SLC36A1: variants seen among roughly 807,000 people sequenced by gnomAD.
SLC36A1 encodes solute carrier family 36 member 1.
SLC36A1 carries 30 observed loss-of-function variants against 47.5 expected under a neutral mutation model. That is an observed-to-expected ratio of 0.63 (90% CI 0.47 to 0.86). The LOEUF (loss-of-function observed/expected upper bound fraction) is 0.86, where lower values mean the gene tolerates loss of function less well. Among genes scored for constraint, SLC36A1 ranks in the 40% least tolerant of loss-of-function variants. SLC36A1 has a pLI of 0.00. For synonymous variants in SLC36A1, 255 were observed against 249.7 expected, an observed-to-expected ratio of 1.02 and a Z score of -0.20; for missense variants, 517 against 606.0, an observed-to-expected ratio of 0.85 and a Z score of 1.54.
At chr5:151,413,207 G>A in the SLC36A1 span, among the ~76,000 whole-genome samples, 1 of 151,296 alleles carries the variant, frequency 6.6e-6, no homozygotes, top group African/African-American at 2.4e-5. Flanking sequence ...TCTGAACAGG[G>A]ACAGAGAGAT....
At chr5:151,385,366 C>T in the SLC36A1 span, among the ~76,000 whole-genome samples, 6 of 152,190 alleles carry the variant, frequency 3.9e-5, no homozygotes, top group Non-Finnish European at 8.8e-5. Context: ...CCATGTCAGG[C>T]AGGGAGAGAA....
intron 9 of SLC36A1, among the ~76,000 whole-genome samples, chr5:151,478,874 G>A (rs889760113): frequency 6.6e-6 from 1 of 151,758 alleles, no homozygotes; most frequent in Non-Finnish European, 1.5e-5. Context: ...GTACTGTATT[G>A]CTTCATGCTT....
intron 8 of SLC36A1, among the ~76,000 whole-genome samples, chr5:151,474,159 CAAA>C (rs1156305401): frequency 1.3e-4 from 8 of 59,954 alleles, no homozygotes; most frequent in African/African-American, 1.7e-4. Flanking sequence ...GACTCTGTCT[CAAA>C]AAAAAAAAAA....
chr5:151,462,232 T>C (rs924236472), intron 2 of SLC36A1, among the ~76,000 whole-genome samples: 1 of 149,140 alleles, frequency 6.7e-6, no homozygotes, highest in Non-Finnish European at 1.5e-5. Context: ...TTAACAAATA[T>C]GACTTTTTGA....
the SLC36A1 span, among the ~76,000 whole-genome samples, chr5:151,357,847 A>G: frequency 6.6e-6 from 1 of 152,226 alleles, no homozygotes; most frequent in African/African-American, 2.4e-5. Context: ...CACGATTAAA[A>G]CCTAAATCTT....
chr5:151,393,221 C>T, the SLC36A1 span, among the ~76,000 whole-genome samples: 1 of 152,002 alleles, frequency 6.6e-6, no homozygotes, highest in Non-Finnish European at 1.5e-5. Context: ...ACTAGGATTG[C>T]AACCCCTGCC....
At chr5:151,505,749 C>T in the SLC36A1 span, 54 of 1,613,662 alleles carry the variant, frequency 3.3e-5, no homozygotes, top group East Asian at 5.8e-4. Flanking sequence ...GTCTGCCAGG[C>T]AGGGCCCTCC....
chr5:151,531,896 C>T, the SLC36A1 span: 1 of 1,614,140 alleles, frequency 6.2e-7, no homozygotes, highest in Non-Finnish European at 8.5e-7. This position sits in a 1 kb window ranked among gnomAD's most constrained non-coding sequence, Gnocchi z 5.7. Context: ...AGGCGGATCA[C>T]CCCCGTGGTG....
chr5:151,398,299 G>A, the SLC36A1 span, among the ~76,000 whole-genome samples: 1 of 152,132 alleles, frequency 6.6e-6, no homozygotes, highest in Admixed American at 6.5e-5. Flanking sequence ...ACAAGCTGGT[G>A]TCTTTGCAGG....
the SLC36A1 span, chr5:151,512,866 G>A: frequency 1.2e-4 from 60 of 511,498 alleles, no homozygotes; most frequent in Non-Finnish European, 1.9e-4. This position sits in a 1 kb window ranked among gnomAD's most constrained non-coding sequence, Gnocchi z 4.1. Flanking sequence ...AACTGAGGCC[G>A]AGAGATGCTT....
the SLC36A1 span, among the ~76,000 whole-genome samples, chr5:151,501,713 G>T: frequency 6.7e-6 from 1 of 148,388 alleles, no homozygotes; most frequent in African/African-American, 2.6e-5. Flanking sequence ...ATTTTACTGA[G>T]GAATGAGAGG....
chr5:151,445,013 C>T (rs138450268), upstream of SLC36A1, among the ~76,000 whole-genome samples: 1,009 of 152,156 alleles, frequency 6.6e-3, 10 homozygotes, highest in South Asian at 0.011. Flanking sequence ...GGTGGGTATC[C>T]TTGACTGCTA....
At chr5:151,358,830 C>T in the SLC36A1 span, among the ~76,000 whole-genome samples, 284 of 151,464 alleles carry the variant, frequency 1.9e-3, 2 homozygotes, top group African/African-American at 6.2e-3. Context: ...AAAAATTAGC[C>T]GGGCGCGGTG....
At chr5:151,424,365 A>T in the SLC36A1 span, among the ~76,000 whole-genome samples, 1 of 152,242 alleles carries the variant, frequency 6.6e-6, no homozygotes, top group African/African-American at 2.4e-5. Context: ...GACAGGTTTT[A>T]GGGACAAAAC....
chr5:151,358,728 C>T, the SLC36A1 span, among the ~76,000 whole-genome samples: 2 of 151,620 alleles, frequency 1.3e-5, no homozygotes, highest in Non-Finnish European at 2.9e-5. Context: ...AATCCCGGCA[C>T]TTTGGGAGGC....
the SLC36A1 span, among the ~76,000 whole-genome samples, chr5:151,374,394 G>A: frequency 6.4e-4 from 97 of 152,206 alleles, no homozygotes; most frequent in African/African-American, 2.1e-3. Flanking sequence ...CTTGGGGTTC[G>A]AACCGATACA....
At chr5:151,467,968 T>C (rs761866786) in intron 7 of SLC36A1, 43 bp downstream of exon 7, 25 of 1,566,754 alleles carry the variant, frequency 1.6e-5, no homozygotes, top group Non-Finnish European at 2.1e-5. Flanking sequence ...TTCAATATTT[T>C]AAAAAAGCCA....
At chr5:151,507,231 C>G in the SLC36A1 span, 189 of 1,613,714 alleles carry the variant, frequency 1.2e-4, no homozygotes, top group Non-Finnish European at 1.5e-4. Flanking sequence ...TGGCGGGAGT[C>G]TGGGGGGCAC....
chr5:151,405,340 TCTC>T, the SLC36A1 span, among the ~76,000 whole-genome samples: 482 of 139,072 alleles, frequency 3.5e-3, 7 homozygotes, highest in African/African-American at 0.014. Context: ...TCCCTCTCTT[TCTC>T]TTTTTTTTTT....
Sources: gnomAD v4.1 joint callset for allele counts (sites outside exome capture counted in the v4.1 genomes callset) on GRCh38, gnomAD v4.1.1 for gene constraint, Gnocchi (gnomAD v3.1) non-coding constraint, MANE v1.5 for transcripts, NCBI Gene and HGNC (gene_info 2026-07-23, HGNC 2026-07-21) for gene names.